The following FAM13A variants were observed in gnomAD, a reference collection of about 807,000 sequenced individuals.
FAM13A encodes family with sequence similarity 13 member A, also known as protein FAM13A.
FAM13A carries 76 observed loss-of-function variants against 129.6 expected under a neutral mutation model. The observed-to-expected ratio is 0.59, with a 90% CI of 0.49 to 0.71. The LOEUF (loss-of-function observed/expected upper bound fraction) is 0.71, where lower values mean the gene tolerates loss of function less well. Ranked by LOEUF, FAM13A falls within the 30% of genes least tolerant of loss-of-function variation. The pLI is 0.00. For missense variants in FAM13A, 1,108 were observed against 1,249.3 expected (o/e 0.89, Z 1.70); for synonymous variants, 443 against 449.9 (o/e 0.98, Z 0.20).
At chr4:88,804,871 A>T (rs1578740508) in intron 8 of FAM13A, 140 bp downstream of exon 8, 2 of 633,020 alleles carry the variant, frequency 3.2e-6, no homozygotes, top group African/African-American at 3.8e-5. Context: ...AAAATACAGT[A>T]AGGTGAAGAG....
rs190654662 is a variant in FAM13A, at chr4:88,978,711, G to T, written c.605+12262C>A. ...GGGGAGGCTGAGGCAGGAGAATGGG[G>T]TAAACCTGGGAGGCGGAGCTTGCAG... is the stretch of plus-strand genomic sequence containing the variant. On this transcript the variant is annotated intron_variant, in intron 4 of 23. Coordinates refer to ENST00000264344, the MANE Select transcript of FAM13A (RefSeq NM_014883.4). 5.4e-3 allele frequency among the ~76,000 whole-genome samples: 828 copies of T among 152,040 alleles called. 8 individuals carry two copies. The highest frequency in any genetic ancestry group is 0.019 in the African/African-American group (791 of 41,484).
rs34865210 is a variant in FAM13A, at chr4:88,865,878, C to CTTT, written c.844-14698_844-14696dup. Among the ~76,000 whole-genome samples the CTTT allele has an allele frequency of 7.6e-3, 631 of 83,290 alleles. 18 individuals are homozygous for CTTT. The highest frequency in any genetic ancestry group is 0.013 in the African/African-American group (247 of 19,402). 54.6% of individuals were successfully genotyped at this position (83,290 alleles called of 152,430 possible). On this transcript the variant is annotated intron_variant, in intron 6 of 23. Transcript: ENST00000264344. ...TTTCAACTTTTTCCTTTGTCTCTCT[C>CTTT]TTTTTTTTTTTTTTTTTTTTTTTTT...
At chr4:88,978,189 A>C (rs1489471231) in intron 4 of FAM13A, among the ~76,000 whole-genome samples, 1 of 152,204 alleles carries the variant, frequency 6.6e-6, no homozygotes, top group African/African-American at 2.4e-5. Flanking sequence ...TTTCTTGCCT[A>C]GTTCTCAGTT....
At chr4:88,958,467 C>T (rs981786716) in intron 4 of FAM13A, among the ~76,000 whole-genome samples, 3 of 152,210 alleles carry the variant, frequency 2.0e-5, no homozygotes, top group African/African-American at 7.2e-5. Context: ...CTCAAAGGAG[C>T]CCAGGTATAG....
At chr4:89,014,812 A>G (rs962655313) in intron 3 of FAM13A, among the ~76,000 whole-genome samples, 1 of 152,146 alleles carries the variant, frequency 6.6e-6, no homozygotes, top group African/African-American at 2.4e-5. Flanking sequence ...TAACCGCACA[A>G]ATTGTTTAAA....
intron 6 of FAM13A, among the ~76,000 whole-genome samples, chr4:88,884,293 T>A (rs1561247418): frequency 6.6e-6 from 1 of 152,126 alleles, no homozygotes; most frequent in South Asian, 2.1e-4. Context: ...ATCAAAAAGA[T>A]AACCCACTAT....
At chr4:88,972,223 T>G (rs1169701948) in intron 4 of FAM13A, among the ~76,000 whole-genome samples, 1 of 152,136 alleles carries the variant, frequency 6.6e-6, no homozygotes, top group Non-Finnish European at 1.5e-5. Flanking sequence ...TTTTTAACAT[T>G]TCTTGCAAAG....
intron 1 of FAM13A, among the ~76,000 whole-genome samples, chr4:89,055,526 T>A (rs1041024889): frequency 1.3e-5 from 2 of 152,150 alleles, no homozygotes; most frequent in Non-Finnish European, 2.9e-5. Flanking sequence ...GATCAATATA[T>A]TGCAGGTCAA....
intron 5 of FAM13A, among the ~76,000 whole-genome samples, chr4:88,921,362 A>G (rs573987240): frequency 3.6e-4 from 55 of 152,192 alleles, no homozygotes; most frequent in Admixed American, 8.5e-4. Context: ...CTCGGCAGAA[A>G]CTCTACCAGC....
At chr4:89,021,208 G>A (rs948978254) in intron 2 of FAM13A, among the ~76,000 whole-genome samples, 3 of 152,156 alleles carry the variant, frequency 2.0e-5, no homozygotes, top group Non-Finnish European at 4.4e-5. Context: ...TCAGTTGATG[G>A]GGGATATCAG....
intron 19 of FAM13A, among the ~76,000 whole-genome samples, chr4:88,740,843 G>C (rs963129337): frequency 6.6e-6 from 1 of 152,170 alleles, no homozygotes; most frequent in East Asian, 1.9e-4. Context: ...GATAACTAAT[G>C]GGCAATTGGT....
rs553240915 is a variant in FAM13A, at chr4:88,882,692, T to A, written c.843+23687A>T. On this transcript the variant is annotated intron_variant, in intron 6 of 23. Transcript: ENST00000264344. The stretch of plus-strand genomic sequence containing the variant: ...ATACTAATGTTGAATGTAAATGGCA[T>A]AAATGCTCAACTTAAAATACACACA... Among the ~76,000 whole-genome samples, 5 of 151,196 alleles carry A rather than the reference T, an allele frequency of 3.3e-5. No homozygotes were observed. In the South Asian group the frequency reaches 1.0e-3, roughly 32 times the overall value.
In FAM13A at chr4:88,765,348, C is replaced by A. The variant is rs1745541902; in HGVS notation, c.1578+2205G>T. Among the ~76,000 whole-genome samples the A allele has an allele frequency of 1.3e-5, 2 of 152,082 alleles. 1 individual carries two copies. The highest frequency in any genetic ancestry group is 4.8e-5 in the African/African-American group (2 of 41,390). On this transcript the variant is annotated intron_variant, in intron 13 of 23. Transcript: ENST00000264344. ...ACGGAAAACAAAATTAGAAATATTA[C>A]AATATATATTCAATAGCGGGCATGT...
intron 6 of FAM13A, chr4:88,905,839 CCA>C (rs1300470478): frequency 2.0e-5 from 3 of 152,204 alleles, no homozygotes; most frequent in African/African-American, 7.2e-5. Flanking sequence ...CTGAATACAA[CCA>C]TGGATTAAAG....
chr4:89,039,626 G>A (rs1487518458), intron 1 of FAM13A, among the ~76,000 whole-genome samples: 4 of 152,108 alleles, frequency 2.6e-5, no homozygotes, highest in Non-Finnish European at 5.9e-5. Context: ...GCCAGGTGTG[G>A]TGGCTCATGC....
At chr4:89,040,149 G>T (rs1460602404) in intron 1 of FAM13A, among the ~76,000 whole-genome samples, 1 of 152,054 alleles carries the variant, frequency 6.6e-6, no homozygotes, top group Non-Finnish European at 1.5e-5. Flanking sequence ...CTGCAACAGG[G>T]ATGCAATGTA....
chr4:88,804,110 CG>C (rs1369310149), intron 8 of FAM13A, among the ~76,000 whole-genome samples: 1 of 151,782 alleles, frequency 6.6e-6, no homozygotes, highest in Non-Finnish European at 1.5e-5. Context: ...AAAAATTAGC[CG>C]GGCGTGGTGG....
At chr4:88,904,997 A>T (rs1460737744) in intron 6 of FAM13A, among the ~76,000 whole-genome samples, 2 of 152,108 alleles carry the variant, frequency 1.3e-5, no homozygotes, top group African/African-American at 2.4e-5. Flanking sequence ...ATTTTTATTT[A>T]AAAAAATTAC....
At chr4:89,044,659 A>T (rs1308964997) in intron 1 of FAM13A, among the ~76,000 whole-genome samples, 2 of 152,224 alleles carry the variant, frequency 1.3e-5, no homozygotes, top group African/African-American at 4.8e-5. Flanking sequence ...GCCAAAAAGT[A>T]GAAACAATCT....
Sources: gnomAD v4.1 joint callset for allele counts (sites outside exome capture counted in the v4.1 genomes callset) on GRCh38, gnomAD v4.1.1 for gene constraint, MANE v1.5 for transcripts, NCBI Gene and HGNC (gene_info 2026-07-23, HGNC 2026-07-21) for gene names.